WIPF3: variants seen among roughly 807,000 people sequenced by gnomAD.
WIPF3 encodes WAS/WASL-interacting protein family member 3.
A neutral mutation model predicts 38.9 loss-of-function variants in WIPF3; 33 were observed. The observed-to-expected ratio is 0.85, with a 90% CI of 0.64 to 1.14. WIPF3 has a LOEUF of 1.14. WIPF3 is among the 50% of genes most tolerant of loss of function. The pLI, the probability that WIPF3 is intolerant of heterozygous loss-of-function variation, is 0.00. For missense variants in WIPF3, 711 were observed against 652.5 expected (o/e 1.09, Z -0.98); for synonymous variants, 324 against 269.3 (o/e 1.20, Z -1.99).
intron 7 of WIPF3, among the ~76,000 whole-genome samples, chr7:29,901,142 A>G (rs1156860269): frequency 6.6e-6 from 1 of 152,152 alleles, no homozygotes; most frequent in African/African-American, 2.4e-5. Flanking sequence ...GAGGTAAACA[A>G]TATTTCTGCT....
chr7:29,810,578 G>A (rs1028486522), intron 1 of WIPF3, among the ~76,000 whole-genome samples: 10 of 152,188 alleles, frequency 6.6e-5, no homozygotes, highest in Non-Finnish European at 1.2e-4. Context: ...AACTTTCACT[G>A]TCTCATTCCC....
chr7:29,810,894 G>GT (rs907143920), intron 1 of WIPF3, among the ~76,000 whole-genome samples: 5 of 152,000 alleles, frequency 3.3e-5, no homozygotes, highest in African/African-American at 7.2e-5. Flanking sequence ...GATTTATTCT[G>GT]TTTTTTTGTT....
intron 1 of WIPF3, among the ~76,000 whole-genome samples, chr7:29,820,248 A>G (rs1784515824): frequency 6.6e-6 from 1 of 152,056 alleles, no homozygotes. Context: ...ATTATAAAGA[A>G]TCTTTCTTTG....
At chr7:29,876,764 T>C (rs1283418436) in intron 3 of WIPF3, among the ~76,000 whole-genome samples, 1 of 152,232 alleles carries the variant, frequency 6.6e-6, no homozygotes, top group Non-Finnish European at 1.5e-5. Context: ...GAATTCTGTT[T>C]CAGAGGATGA....
chr7:29,868,518 G>GTATATATATA (rs138569662), intron 2 of WIPF3, among the ~76,000 whole-genome samples: 190 of 148,178 alleles, frequency 1.3e-3, no homozygotes, highest in African/African-American at 4.3e-3. Context: ...ATAATGAGAA[G>GTATATATATA]TATATATATA....
intron 1 of WIPF3, among the ~76,000 whole-genome samples, chr7:29,811,368 A>G (rs1396571836): frequency 6.6e-6 from 1 of 152,146 alleles, no homozygotes; most frequent in Non-Finnish European, 1.5e-5. Context: ...AAAAATAGCA[A>G]ACAACATAAA....
intron 8 of WIPF3, among the ~76,000 whole-genome samples, chr7:29,913,769 C>A (rs1315261226): frequency 6.6e-6 from 1 of 152,186 alleles, no homozygotes; most frequent in African/African-American, 2.4e-5. Flanking sequence ...TTCCATAATG[C>A]CTCACTGCTT....
At chr7:29,873,429 C>T (rs1188130672) in intron 2 of WIPF3, among the ~76,000 whole-genome samples, 1 of 152,140 alleles carries the variant, frequency 6.6e-6, no homozygotes, top group Non-Finnish European at 1.5e-5. Context: ...ATGCCAAATT[C>T]ACACAAAAAT....
chr7:29,848,635 G>A (rs1259148115), intron 2 of WIPF3, among the ~76,000 whole-genome samples: 3 of 152,148 alleles, frequency 2.0e-5, no homozygotes, highest in African/African-American at 4.8e-5. Context: ...TTTATATAAA[G>A]GAACTGTAGA....
chr7:29,835,531 C>G (rs975765126), intron 2 of WIPF3, among the ~76,000 whole-genome samples: 1 of 152,042 alleles, frequency 6.6e-6, no homozygotes, highest in Non-Finnish European at 1.5e-5. Flanking sequence ...CCAGTAGCAC[C>G]CCCCAATTGT....
At chr7:29,866,342 C>T (rs1230201428) in intron 2 of WIPF3, among the ~76,000 whole-genome samples, 1 of 152,186 alleles carries the variant, frequency 6.6e-6, no homozygotes, top group Non-Finnish European at 1.5e-5. Context: ...CAAAGGGAGG[C>T]CAAATGCCAA....
intron 4 of WIPF3, 42 bp downstream of exon 4, chr7:29,879,182 C>T: frequency 6.3e-7 from 1 of 1,587,672 alleles, no homozygotes; most frequent in Non-Finnish European, 8.6e-7. Context: ...GTCTGTATCT[C>T]CTTAACTTGT....
intron 4 of WIPF3, 41 bp from the exon 5 acceptor site, chr7:29,883,806 CCTT>C (rs1562785347): frequency 5.3e-6 from 8 of 1,509,998 alleles, no homozygotes; most frequent in Non-Finnish European, 6.2e-6. Context: ...GGGGCTTTCT[CCTT>C]CTTTATTGCC....
rs183394685 is a variant in WIPF3 at position 29,898,732 on chromosome 7, C to T, written c.1352-5554C>T. Among the ~76,000 whole-genome samples the T allele has an allele frequency of 3.3e-5, 5 of 152,284 alleles. No individual in the cohort carries two copies. In the East Asian group the frequency reaches 9.6e-4, roughly 29 times the overall value. Reference sequence around the variant, plus strand: ...ATACCTGGTTCTGAGTGATGATAACCACTTTTAATACATTGGTGTACATAT... The same window carrying T: ...ATACCTGGTTCTGAGTGATGATAACTACTTTTAATACATTGGTGTACATAT... On this transcript the variant is annotated intron_variant, in intron 7 of 8. Coordinates refer to ENST00000242140, the MANE Select transcript of WIPF3 (RefSeq NM_001080529.3).
At chr7:29,902,265 C>CTTTTTTTTT (rs141174377) in intron 7 of WIPF3, among the ~76,000 whole-genome samples, 12 of 116,388 alleles carry the variant, frequency 1.0e-4, no homozygotes, top group Non-Finnish European at 1.6e-4. Flanking sequence ...TTTTCTTCTT[C>CTTTTTTTTT]TTCTTCTTCT....
At chr7:29,890,977 G>T in intron 7 of WIPF3, among the ~76,000 whole-genome samples, 1 of 127,030 alleles carries the variant, frequency 7.9e-6, no homozygotes, top group Admixed American at 7.5e-5. Context: ...CTCAGGTGGA[G>T]GGGGCGAGGG....
In WIPF3 at chr7:29,915,100, T is replaced by G. The variant is rs1044198560; in HGVS notation, c.*584T>G. On this transcript the variant is annotated 3_prime_UTR_variant, in exon 9 of 9. Coordinates refer to ENST00000242140, the MANE Select transcript of WIPF3 (RefSeq NM_001080529.3). Reference sequence around the variant, plus strand: ...GAATTTTTTTTTTTTTTTTTTTTTTTTTTTTTGCTGCCTAATGTAATACAT... The same window carrying G: ...GAATTTTTTTTTTTTTTTTTTTTTTGTTTTTTGCTGCCTAATGTAATACAT... 2.4e-4 allele frequency: 35 copies of G among 146,468 alleles called. No individual in the cohort carries two copies. The highest frequency in any genetic ancestry group is 1.4e-3 in the Admixed American group (21 of 14,506). The allele number at this position is 146,468 out of a possible 1,614,324, so 9.1% of individuals were successfully genotyped here.
intron 1 of WIPF3, among the ~76,000 whole-genome samples, chr7:29,828,984 A>G (rs535735489): frequency 1.1e-4 from 17 of 152,238 alleles, no homozygotes; most frequent in Admixed American, 3.3e-4. Context: ...TCTCCCCCAC[A>G]CATGCAGAGC....
At position 29,884,077 on chromosome 7, in the gene WIPF3, C is replaced by G. The variant is rs1251216573; in HGVS notation, c.583C>G (p.Pro195Ala). The G allele has an allele frequency of 6.8e-7, 1 of 1,466,958 alleles. No individual in the cohort carries two copies. Among genetic ancestry groups the G allele is most frequent in the Admixed American group, 2.2e-5 (1 of 44,614 alleles). 90.9% of individuals were successfully genotyped at this position (1,466,958 alleles called of 1,614,324 possible). A position where few individuals can be genotyped will look rare whatever the true frequency, so the allele number is the denominator to read the frequency against. Residue 195 changes from proline (P) to alanine (A), a missense_variant, in exon 5 of 9, where the codon CCC (proline) becomes GCC (alanine). Physicochemically the swap from Pro to Ala is conservative, Grantham distance 27 (BLOSUM62 -1). Transcript: ENST00000242140. ...ACCCCCGCCCCTTCCCTCTTCCTCC[C>G]CCATCAAAACTCCGCTTGTGTCCCC... ...PLPPPLPSSS[P>A]IKTPLVSPPG...
Sources: allele counts gnomAD v4.1 joint callset (sites outside exome capture counted in the v4.1 genomes callset), GRCh38; gene constraint gnomAD v4.1.1; transcripts MANE v1.5; gene names NCBI Gene and HGNC (gene_info 2026-07-23, HGNC 2026-07-21).